AGBL1: variants seen among roughly 807,000 people sequenced by gnomAD.
AGBL1 encodes the protein AGBL carboxypeptidase 1.
A neutral mutation model predicts 118.9 loss-of-function variants in AGBL1; 130 were observed. The ratio of observed to expected loss-of-function variants is 1.09; its 90% CI spans 0.95 to 1.26. The LOEUF is 1.26. Among genes scored for constraint, AGBL1 ranks in the 50% most tolerant of loss-of-function variants. AGBL1 has a pLI of 0.00. For missense variants in AGBL1, 1,584 were observed against 1,298.1 expected (o/e 1.22, Z -3.38); for synonymous variants, 555 against 478.9 (o/e 1.16, Z -2.08).
intron 22 of AGBL1, among the ~76,000 whole-genome samples, chr15:86,747,786 T>A (rs528739188): frequency 1.6e-4 from 25 of 152,320 alleles, no homozygotes; most frequent in Middle Eastern, 3.4e-3. Flanking sequence ...GCTTCATCCA[T>A]GTCCCTACAA....
At chr15:86,894,189 C>T (rs539230921) in intron 22 of AGBL1, among the ~76,000 whole-genome samples, 2 of 152,178 alleles carry the variant, frequency 1.3e-5, no homozygotes, top group Admixed American at 1.3e-4. Flanking sequence ...ATATTAAGGC[C>T]CACTCTATCA....
chr15:86,367,105 T>C (rs976707921), intron 17 of AGBL1, among the ~76,000 whole-genome samples: 1 of 152,180 alleles, frequency 6.6e-6, no homozygotes, highest in African/African-American at 2.4e-5. Context: ...TTAAGAACTG[T>C]TTAGAACCAA....
intron 18 of AGBL1, among the ~76,000 whole-genome samples, chr15:86,406,724 T>C (rs1379961486): frequency 1.3e-5 from 2 of 152,236 alleles, no homozygotes; most frequent in Admixed American, 1.3e-4. Flanking sequence ...TCTTTAAGTA[T>C]ATTTCTATTT....
chr15:86,240,737 C>G (rs2078628709), intron 6 of AGBL1, among the ~76,000 whole-genome samples: 1 of 152,186 alleles, frequency 6.6e-6, no homozygotes, highest in Non-Finnish European at 1.5e-5. Context: ...CAGGACGGCT[C>G]TGAAACAGTA....
At chr15:87,021,932 A>G (rs890163719) in intron 24 of AGBL1, among the ~76,000 whole-genome samples, 17 of 152,114 alleles carry the variant, frequency 1.1e-4, no homozygotes, top group African/African-American at 4.1e-4. Context: ...CTCTGCTGGT[A>G]TTCACGGCTG....
intron 24 of AGBL1, among the ~76,000 whole-genome samples, chr15:86,991,488 A>G (rs1048632131): frequency 2.0e-5 from 3 of 152,130 alleles, no homozygotes; most frequent in Non-Finnish European, 4.4e-5. Context: ...CAAAATGCTT[A>G]GGAAACCAAA....
chr15:86,745,650 C>T (rs559909372), intron 22 of AGBL1, among the ~76,000 whole-genome samples: 39 of 152,106 alleles, frequency 2.6e-4, no homozygotes, highest in Non-Finnish European at 4.6e-4. Context: ...TCCCACCTCC[C>T]GATTTTATCT....
chr15:86,275,985 T>G (rs1291066781), intron 15 of AGBL1, among the ~76,000 whole-genome samples: 3 of 152,194 alleles, frequency 2.0e-5, no homozygotes, highest in Non-Finnish European at 4.4e-5. Context: ...TAAAATAACA[T>G]GAGATAAAAC....
At chr15:86,846,596 A>G (rs865897865) in intron 22 of AGBL1, among the ~76,000 whole-genome samples, 3 of 152,122 alleles carry the variant, frequency 2.0e-5, no homozygotes, top group Non-Finnish European at 4.4e-5. Flanking sequence ...CAGTGGCGCC[A>G]TCTTGGCTCA....
At chr15:87,006,912 G>A (rs538136697) in intron 24 of AGBL1, among the ~76,000 whole-genome samples, 4 of 152,142 alleles carry the variant, frequency 2.6e-5, no homozygotes, top group Non-Finnish European at 5.9e-5. Flanking sequence ...TGTTTCATGG[G>A]TGAGGAGTGA....
intron 17 of AGBL1, among the ~76,000 whole-genome samples, chr15:86,324,378 G>C (rs117964039): frequency 6.6e-6 from 1 of 152,186 alleles, no homozygotes; most frequent in Non-Finnish European, 1.5e-5. Context: ...GTAGGGGTAG[G>C]TGTTTCCCAT....
intron 22 of AGBL1, among the ~76,000 whole-genome samples, chr15:86,864,899 C>T (rs2079604380): frequency 6.6e-6 from 1 of 152,172 alleles, no homozygotes; most frequent in African/African-American, 2.4e-5. Context: ...GTAGCAAAAA[C>T]AACCCTAAAC....
At chr15:86,216,564 T>C (rs929792296) in intron 5 of AGBL1, among the ~76,000 whole-genome samples, 13 of 152,214 alleles carry the variant, frequency 8.5e-5, no homozygotes, top group African/African-American at 2.9e-4. Context: ...GGTTACTACA[T>C]TGACTGAATT....
intron 22 of AGBL1, among the ~76,000 whole-genome samples, chr15:86,825,392 A>T (rs1405946029): frequency 3.9e-5 from 2 of 51,906 alleles, no homozygotes; most frequent in Admixed American, 1.8e-4. Context: ...AACTGTAAAA[A>T]AAAAAAAAAA....
In AGBL1 at chr15:86,571,175, T is replaced by C. The variant is rs2142310379; in HGVS notation, c.2994+16638T>C. On this transcript the variant is annotated intron_variant, in intron 21 of 22. Transcript: ENST00000614907. ...CAGGAACTGCTGGGGGCCCCAAAGATGGAGTCACATCCCTGGCCCAGGGAG... is the reference window on the plus strand; with the variant it reads ...CAGGAACTGCTGGGGGCCCCAAAGACGGAGTCACATCCCTGGCCCAGGGAG... Among the ~76,000 whole-genome samples, 3 of 152,244 alleles carry C rather than the reference T, an allele frequency of 2.0e-5. No homozygotes were observed. In the South Asian group the frequency reaches 6.2e-4, roughly 32 times the overall value.
chr15:86,838,701 A>G (rs953277085), intron 22 of AGBL1, among the ~76,000 whole-genome samples: 1 of 151,996 alleles, frequency 6.6e-6, no homozygotes, highest in African/African-American at 2.4e-5. Context: ...GCACTTTGAG[A>G]GGCCGAGGCA....
At position 86,849,844 on chromosome 15, in the gene AGBL1, C is replaced by A. The variant is rs139740777; in HGVS notation, c.3159-57243C>A. Among the ~76,000 whole-genome samples the A allele has an allele frequency of 1.8e-3, 270 of 152,338 alleles. 2 individuals carry two copies. Among genetic ancestry groups the A allele is most frequent in the African/African-American group, 5.9e-3 (245 of 41,586 alleles). On this transcript the variant is annotated intron_variant, in intron 22 of 22. Coordinates refer to ENST00000614907, the MANE Select transcript of AGBL1 (RefSeq NM_001386094.1). Reference sequence around the variant, plus strand: ...GTTCTCCTGCCTCAGCAACACTGTGCTTGCTTTAGAAACAGAGTGAGTAAG... The same window carrying A: ...GTTCTCCTGCCTCAGCAACACTGTGATTGCTTTAGAAACAGAGTGAGTAAG...
At chr15:86,571,509 C>G (rs755191541) in intron 21 of AGBL1, among the ~76,000 whole-genome samples, 1 of 152,140 alleles carries the variant, frequency 6.6e-6, no homozygotes, top group African/African-American at 2.4e-5. Context: ...GGTACTTGCT[C>G]TCTGCAGCTG....
At chr15:86,284,479 T>G (rs1567177501) in intron 16 of AGBL1, among the ~76,000 whole-genome samples, 1 of 152,208 alleles carries the variant, frequency 6.6e-6, no homozygotes, top group African/African-American at 2.4e-5. Context: ...TTGAGGAAGC[T>G]CATCAGAACA....
Sources: allele counts gnomAD v4.1 joint callset (sites outside exome capture counted in the v4.1 genomes callset), GRCh38; gene constraint gnomAD v4.1.1; transcripts MANE v1.5; gene names NCBI Gene and HGNC (gene_info 2026-07-23, HGNC 2026-07-21).